The following TBC1D23 variants were observed in gnomAD, a reference collection of about 807,000 sequenced individuals.
The protein encoded by TBC1D23 is HCV non-structural protein 4A-transactivated protein 1.
In TBC1D23, 55 loss-of-function variants were observed where a neutral mutation model predicts 91.4. That is an observed-to-expected ratio of 0.60 (90% CI 0.48 to 0.75). The LOEUF (loss-of-function observed/expected upper bound fraction) is 0.75, where lower values mean the gene tolerates loss of function less well. Ranked by LOEUF, TBC1D23 falls within the 30% of genes least tolerant of loss-of-function variation. TBC1D23 has a pLI of 0.00. For missense variants in TBC1D23, 725 were observed against 836.1 expected, an observed-to-expected ratio of 0.87 and a Z score of 1.64; for synonymous variants, 289 against 281.0, an observed-to-expected ratio of 1.03 and a Z score of -0.28.
chr3:100,296,214 T>C lies in TBC1D23; in HGVS notation c.815T>C (p.Ile272Thr), dbSNP rs562249790. The stretch of plus-strand genomic sequence containing the variant: ...CCATCCAGTCTGAATATAGAAGATA[T>C]AGAAGACCTTTTCTCTCTGGCTCAG... Reference protein sequence around the residue: ...NTPSSLNIEDIEDLFSLAQYY... With the variant: ...NTPSSLNIEDTEDLFSLAQYY... Residue 272 changes from isoleucine to threonine, a missense_variant, in exon 8 of 19, where the codon ATA becomes ACA. By Grantham distance (89) the Ile-to-Thr change is moderately conservative. Coordinates refer to ENST00000394144, the MANE Select transcript of TBC1D23 (RefSeq NM_001199198.3). 11 of 1,607,800 alleles carry C rather than the reference T, an allele frequency of 6.8e-6. No individual in the cohort carries two copies. Among genetic ancestry groups the C allele is most frequent in the African/African-American group, 5.3e-5 (4 of 74,796 alleles).
chr3:100,305,353 T>G (rs1456762780), intron 12 of TBC1D23, among the ~76,000 whole-genome samples: 2 of 152,176 alleles, frequency 1.3e-5, no homozygotes, highest in African/African-American at 4.8e-5. Context: ...AACTGCAGAC[T>G]AATATTTAAT....
intron 1 of TBC1D23, among the ~76,000 whole-genome samples, chr3:100,271,853 T>C (rs536107083): frequency 6.6e-6 from 1 of 152,274 alleles, no homozygotes; most frequent in South Asian, 2.1e-4. Flanking sequence ...TAACCTAATG[T>C]TGGGAATTTG....
At chr3:100,323,026 C>A (rs184118785) in intron 18 of TBC1D23, among the ~76,000 whole-genome samples, 1 of 152,114 alleles carries the variant, frequency 6.6e-6, no homozygotes, top group African/African-American at 2.4e-5. Context: ...CAATAGTTAT[C>A]ATAAGTCTTA....
intron 1 of TBC1D23, among the ~76,000 whole-genome samples, chr3:100,274,956 C>A (rs2067636420): frequency 6.7e-6 from 1 of 148,238 alleles, no homozygotes; most frequent in Admixed American, 6.8e-5. Context: ...TTGCATTCAC[C>A]TTTGGGCTAC....
intron 5 of TBC1D23, among the ~76,000 whole-genome samples, chr3:100,293,861 A>T (rs1316969286): frequency 6.6e-6 from 1 of 152,178 alleles, no homozygotes; most frequent in Non-Finnish European, 1.5e-5. Flanking sequence ...ATGGGGAGAA[A>T]TGTGTTTACT....
chr3:100,284,955 A>C (rs144173280), intron 4 of TBC1D23, among the ~76,000 whole-genome samples: 1 of 152,204 alleles, frequency 6.6e-6, no homozygotes, highest in East Asian at 1.9e-4. Context: ...GCGTGTAGCC[A>C]AGGTGGAGAA....
chr3:100,272,634 G>A (rs958130533), intron 1 of TBC1D23, among the ~76,000 whole-genome samples: 1 of 152,190 alleles, frequency 6.6e-6, no homozygotes, highest in African/African-American at 2.4e-5. Flanking sequence ...GCATATGGAG[G>A]ATCCCGCCAG....
rs1326755719 is a variant in TBC1D23 at position 100,320,857 on chromosome 3, G to T, written c.1904G>T (p.Arg635Leu). The T allele has an allele frequency of 9.3e-6, 15 of 1,612,650 alleles. No homozygotes were observed. Among genetic ancestry groups the T allele is most frequent in the Non-Finnish European group, 1.3e-5 (15 of 1,179,330 alleles). The change falls in exon 18 of 19, where the codon CGA becomes CTA. Residue 635 changes from arginine to leucine, a missense_variant. Coordinates refer to ENST00000394144, the MANE Select transcript of TBC1D23 (RefSeq NM_001199198.3). ...AAAGGATTGGCTTATATACAGTCTCGACAAGCGCTGAATTCTGTAGTTAAA... is the reference window on the plus strand; with the variant it reads ...AAAGGATTGGCTTATATACAGTCTCTACAAGCGCTGAATTCTGTAGTTAAA... ...SRKGLAYIQS[R>L]QALNSVVKIT...
At chr3:100,301,911 T>A (rs1705440604) in intron 10 of TBC1D23, 156 bp from the exon 11 acceptor site, 1 of 581,306 alleles carries the variant, frequency 1.7e-6, no homozygotes. Flanking sequence ...AATATTTCTC[T>A]TATCCCAGGG....
At chr3:100,309,003 C>T (rs886595429) in intron 13 of TBC1D23, among the ~76,000 whole-genome samples, 1 of 152,094 alleles carries the variant, frequency 6.6e-6, no homozygotes, top group African/African-American at 2.4e-5. Flanking sequence ...GATGAATCAC[C>T]TGAGGTCAGG....
At chr3:100,318,242 A>G (rs1705789154) in intron 16 of TBC1D23, among the ~76,000 whole-genome samples, 1 of 152,144 alleles carries the variant, frequency 6.6e-6, no homozygotes, top group Non-Finnish European at 1.5e-5. Context: ...TATTTACCTT[A>G]GAGACTGTAT....
At chr3:100,266,957 C>T (rs953760079) in intron 1 of TBC1D23, among the ~76,000 whole-genome samples, 12 of 152,178 alleles carry the variant, frequency 7.9e-5, no homozygotes, top group African/African-American at 2.7e-4. Context: ...ATTCTCAGTT[C>T]AGCAAACATT....
intron 2 of TBC1D23, among the ~76,000 whole-genome samples, chr3:100,280,235 A>T (rs2067683110): frequency 1.3e-5 from 2 of 152,202 alleles, no homozygotes; most frequent in Non-Finnish European, 2.9e-5. Flanking sequence ...TCTCAAAAAA[A>T]AAACAAAAAG....
At chr3:100,282,946 G>A (rs1447150417) in intron 3 of TBC1D23, among the ~76,000 whole-genome samples, 1 of 152,164 alleles carries the variant, frequency 6.6e-6, no homozygotes, top group Non-Finnish European at 1.5e-5. Context: ...CTAATGTTTA[G>A]TAAATACTGA....
At chr3:100,313,997 T>C (rs1319675888) in intron 15 of TBC1D23, among the ~76,000 whole-genome samples, 1 of 152,104 alleles carries the variant, frequency 6.6e-6, no homozygotes, top group Non-Finnish European at 1.5e-5. Flanking sequence ...TAACTTGTAA[T>C]TTCCAAAGAA....
chr3:100,308,202 A>G (rs182964159), intron 13 of TBC1D23, among the ~76,000 whole-genome samples: 2 of 152,216 alleles, frequency 1.3e-5, no homozygotes, highest in Non-Finnish European at 2.9e-5. Context: ...TAGGCCGGGC[A>G]CAGTGGCTCA....
chr3:100,321,982 TTC>T (rs1255365176), intron 18 of TBC1D23, among the ~76,000 whole-genome samples: 1 of 152,094 alleles, frequency 6.6e-6, no homozygotes, highest in Admixed American at 6.5e-5. Context: ...CATATGTTAT[TTC>T]TCTACTAAAA....
At chr3:100,278,425 A>G (rs570264482) in intron 1 of TBC1D23, among the ~76,000 whole-genome samples, 32 of 148,866 alleles carry the variant, frequency 2.1e-4, no homozygotes, top group Middle Eastern at 3.5e-3. Context: ...TTGCTCTGTC[A>G]CCCAGGCTGG....
chr3:100,279,416 C>T (rs951255731), intron 1 of TBC1D23: 1 of 330,228 alleles, frequency 3.0e-6, no homozygotes, highest in African/African-American at 2.1e-5. Flanking sequence ...CTTTAAATTT[C>T]TCTAATCTAG....
Sources: allele counts gnomAD v4.1 joint callset (sites outside exome capture counted in the v4.1 genomes callset), GRCh38; gene constraint gnomAD v4.1.1; transcripts MANE v1.5; gene names NCBI Gene and HGNC (gene_info 2026-07-23, HGNC 2026-07-21).